ARHGAP15: variants seen among roughly 807,000 people sequenced by gnomAD.
ARHGAP15 encodes the protein Rho GTPase activating protein 15.
ARHGAP15 carries 51 observed loss-of-function variants against 63.7 expected under a neutral mutation model. The ratio of observed to expected loss-of-function variants is 0.80; its 90% CI spans 0.64 to 1.01. The LOEUF (loss-of-function observed/expected upper bound fraction) is 1.01, where lower values mean the gene tolerates loss of function less well. Among genes scored for constraint, ARHGAP15 ranks in the 50% least tolerant of loss-of-function variants. The pLI is 0.00. For synonymous variants in ARHGAP15, 191 were observed against 193.8 expected (o/e 0.99, Z 0.12); for missense variants, 560 against 564.6 (o/e 0.99, Z 0.08).
At chr2:143,757,120 C>T (rs1328280979) in intron 13 of ARHGAP15, among the ~76,000 whole-genome samples, 1 of 151,922 alleles carries the variant, frequency 6.6e-6, no homozygotes, top group East Asian at 1.9e-4. Context: ...TGAAAATTTT[C>T]TCTTACGTCT....
chr2:143,621,394 G>C (rs964050314), intron 11 of ARHGAP15, among the ~76,000 whole-genome samples: 4 of 152,090 alleles, frequency 2.6e-5, no homozygotes, highest in Non-Finnish European at 5.9e-5. Flanking sequence ...AGTTCATCTT[G>C]AGGACTGGTT....
At chr2:143,495,841 T>C (rs774536197) in intron 9 of ARHGAP15, among the ~76,000 whole-genome samples, 6 of 152,216 alleles carry the variant, frequency 3.9e-5, no homozygotes, top group Non-Finnish European at 7.4e-5. Context: ...AGAGACATGC[T>C]CCAACTTTGC....
At chr2:143,510,183 A>G (rs1347962451) in intron 9 of ARHGAP15, among the ~76,000 whole-genome samples, 1 of 152,204 alleles carries the variant, frequency 6.6e-6, no homozygotes, top group Non-Finnish European at 1.5e-5. Context: ...CCATGTTTGG[A>G]ATACGATTTT....
chr2:143,761,630 A>C (rs1225789365), intron 13 of ARHGAP15, among the ~76,000 whole-genome samples: 1 of 152,166 alleles, frequency 6.6e-6, no homozygotes, highest in African/African-American at 2.4e-5. Context: ...AGTTCGAGTC[A>C]TTTGGCTGTG....
chr2:143,600,582 C>A (rs1697728860), intron 11 of ARHGAP15, among the ~76,000 whole-genome samples: 1 of 152,152 alleles, frequency 6.6e-6, no homozygotes, highest in South Asian at 2.1e-4. Context: ...GGTGTTACAA[C>A]CATGACTACT....
rs772959178 is a variant in ARHGAP15, at chr2:143,768,087, T to G, written c.1343T>G (p.Met448Arg). 6.2e-7 allele frequency: 1 copy of G among 1,613,686 alleles called. No individual in the cohort carries two copies. Among genetic ancestry groups the G allele is most frequent in the African/African-American group, 1.3e-5 (1 of 74,868 alleles). ...LLRAENETGNMAIHMVYQNQI... is the reference protein window; with the variant it reads ...LLRAENETGNRAIHMVYQNQI... ...CGAGCTGAAAATGAAACAGGAAACA[T>G]GGCGATCCACATGGTCTACCAGAAC... is the stretch of plus-strand genomic sequence containing the variant. The change falls in exon 14 of 14, where the codon ATG becomes AGG. Residue 448 changes from methionine to arginine, a missense_variant. Transcript: ENST00000295095.
chr2:143,286,530 TGA>T (rs1682111368), intron 6 of ARHGAP15, among the ~76,000 whole-genome samples: 1 of 152,224 alleles, frequency 6.6e-6, no homozygotes, highest in Non-Finnish European at 1.5e-5. Flanking sequence ...CATCTGCATG[TGA>T]GTGTGCTCAC....
At chr2:143,390,090 CTA>C (rs750164144) in intron 6 of ARHGAP15, among the ~76,000 whole-genome samples, 1 of 149,896 alleles carries the variant, frequency 6.7e-6, no homozygotes, top group African/African-American at 2.5e-5. Context: ...TTGAATATTT[CTA>C]TGTTTCACTA....
At chr2:143,551,879 A>G (rs1002970065) in intron 10 of ARHGAP15, among the ~76,000 whole-genome samples, 2 of 152,170 alleles carry the variant, frequency 1.3e-5, no homozygotes, top group Non-Finnish European at 2.9e-5. Flanking sequence ...TGAACAAATA[A>G]GCTAGCAAGA....
chr2:143,153,525 G>A lies in ARHGAP15; in HGVS notation c.-14-1952G>A, dbSNP rs143898830. Among the ~76,000 whole-genome samples the A allele has an allele frequency of 7.2e-5, 11 of 151,932 alleles. No individual in the cohort carries two copies. In the East Asian group the frequency reaches 7.8e-4, roughly 11 times the overall value. The stretch of plus-strand genomic sequence containing the variant: ...AAACAACTTTTCTATAAACATCTTC[G>A]TGATTTATTACTGAAGAATCATAAA... On this transcript the variant is annotated intron_variant, in intron 1 of 13. Coordinates refer to ENST00000295095, the MANE Select transcript of ARHGAP15 (RefSeq NM_018460.4).
At chr2:143,423,721 A>T (rs1297293627) in intron 6 of ARHGAP15, among the ~76,000 whole-genome samples, 1 of 152,176 alleles carries the variant, frequency 6.6e-6, no homozygotes, top group Non-Finnish European at 1.5e-5. Context: ...AATAAGTGAA[A>T]TCAAATAATA....
chr2:143,474,377 A>T (rs761306000), intron 8 of ARHGAP15, among the ~76,000 whole-genome samples: 1 of 152,208 alleles, frequency 6.6e-6, no homozygotes, highest in Non-Finnish European at 1.5e-5. Context: ...ATATATTTCC[A>T]TATTATATTC....
chr2:143,484,979 C>T (rs934539935), intron 8 of ARHGAP15, among the ~76,000 whole-genome samples: 1 of 152,180 alleles, frequency 6.6e-6, no homozygotes, highest in African/African-American at 2.4e-5. Context: ...ACAACTGCCA[C>T]AAGGACTCAG....
At chr2:143,149,569 G>T (rs1376866033) in intron 1 of ARHGAP15, among the ~76,000 whole-genome samples, 1 of 151,720 alleles carries the variant, frequency 6.6e-6, no homozygotes, top group Non-Finnish European at 1.5e-5. Context: ...GGGCTTTTGG[G>T]AAATAGAAAT....
At chr2:143,540,203 C>A (rs1192909055) in intron 10 of ARHGAP15, among the ~76,000 whole-genome samples, 1 of 151,990 alleles carries the variant, frequency 6.6e-6, no homozygotes, top group Non-Finnish European at 1.5e-5. Context: ...GGATTGCAAC[C>A]CCTGCCTTTT....
intron 1 of ARHGAP15, among the ~76,000 whole-genome samples, chr2:143,139,601 A>G (rs768547884): frequency 6.6e-6 from 1 of 152,074 alleles, no homozygotes; most frequent in Non-Finnish European, 1.5e-5. Context: ...TGCATATGTT[A>G]TTTTACTTGG....
At chr2:143,421,959 C>T (rs1688942990) in intron 6 of ARHGAP15, among the ~76,000 whole-genome samples, 1 of 151,978 alleles carries the variant, frequency 6.6e-6, no homozygotes, top group Admixed American at 6.6e-5. Context: ...TAACATGTTT[C>T]ATGAACAAAA....
chr2:143,155,549 G>C lies in ARHGAP15; in HGVS notation c.59G>C (p.Gly20Ala). 1 of 1,608,802 alleles carries C rather than the reference G, an allele frequency of 6.2e-7. No individual in the cohort carries two copies. Among genetic ancestry groups the C allele is most frequent in the African/African-American group, 1.3e-5 (1 of 74,474 alleles). ...SVETLNSTRQ[G>A]TGAVQMRIKN... ...GAAACACTGAATTCTACCCGCCAAG[G>C]CACAGGAGCTGTGCAAATGAGAATC... is the stretch of plus-strand genomic sequence containing the variant. The change falls in exon 2 of 14, where the codon GGC (glycine) becomes GCC (alanine). Residue 20 changes from glycine to alanine, a missense_variant. Coordinates refer to ENST00000295095, the MANE Select transcript of ARHGAP15 (RefSeq NM_018460.4).
intron 11 of ARHGAP15, among the ~76,000 whole-genome samples, chr2:143,581,013 C>T (rs2105144127): frequency 6.6e-6 from 1 of 152,236 alleles, no homozygotes; most frequent in Admixed American, 6.5e-5. Context: ...TCACAATAAT[C>T]CCACTTAGCA....
Sources: allele counts gnomAD v4.1 joint callset (sites outside exome capture counted in the v4.1 genomes callset), GRCh38; gene constraint gnomAD v4.1.1; transcripts MANE v1.5; gene names NCBI Gene and HGNC (gene_info 2026-07-23, HGNC 2026-07-21).